CELF2: variants seen among roughly 807,000 people sequenced by gnomAD.
The protein encoded by CELF2 is CUGBP Elav-like family member 2.
Under a neutral mutation model 62.6 loss-of-function variants are expected in CELF2, and 8 were observed. The observed-to-expected ratio is 0.13, with a 90% CI of 0.07 to 0.23. The LOEUF is 0.23. Among genes scored for constraint, CELF2 ranks in the 10% least tolerant of loss-of-function variants. CELF2 has a pLI of 1.00. For synonymous variants in CELF2, 258 were observed against 250.0 expected, an observed-to-expected ratio of 1.03 and a Z score of -0.30; for missense variants, 333 against 671.0, an observed-to-expected ratio of 0.50 and a Z score of 5.56.
chr10:10,496,878 G>A, the CELF2 span, among the ~76,000 whole-genome samples: 11 of 152,154 alleles, frequency 7.2e-5, no homozygotes, highest in East Asian at 1.4e-3. Flanking sequence ...AAAGGATGGA[G>A]GAAAGTTATG....
intron 2 of CELF2, among the ~76,000 whole-genome samples, chr10:11,213,377 T>TA (rs1474150428): frequency 6.6e-6 from 1 of 152,206 alleles, no homozygotes; most frequent in Non-Finnish European, 1.5e-5. Flanking sequence ...AGACCTGAGT[T>TA]ACAGCTGGCG....
chr10:11,217,007 T>C lies in CELF2; in HGVS notation c.272-418T>C, dbSNP rs540932533. The stretch of plus-strand genomic sequence containing the variant: ...TGTCTGAAGCTTTGAGTTTAGAAAG[T>C]CTTTCAAAAACCTGACGTTCTGGAG... On this transcript the variant is annotated intron_variant, in intron 2 of 12. Coordinates refer to ENST00000633077, the MANE Select transcript of CELF2 (RefSeq NM_001326342.2). This position sits in a 1 kb window ranked among gnomAD's most constrained non-coding sequence, Gnocchi z 5.6. Among the ~76,000 whole-genome samples, 1 of 152,348 alleles carries C rather than the reference T, an allele frequency of 6.6e-6. No individual in the cohort carries two copies. The highest frequency in any genetic ancestry group is 2.1e-4 in the South Asian group (1 of 4,830).
At chr10:10,509,501 C>A in the CELF2 span, among the ~76,000 whole-genome samples, 7 of 152,328 alleles carry the variant, frequency 4.6e-5, no homozygotes, top group East Asian at 1.3e-3. Context: ...GGCACCAAAT[C>A]TGCCAGCTTC....
At chr10:10,829,891 A>C (rs1464475423) in intron 1 of CELF2, among the ~76,000 whole-genome samples, 1 of 152,164 alleles carries the variant, frequency 6.6e-6, no homozygotes, top group African/African-American at 2.4e-5. Flanking sequence ...GGCAGTTTGC[A>C]AATTTTTGGA....
At position 11,005,355 on chromosome 10, in the gene CELF2, A is replaced by G. The variant is rs745743438; in HGVS notation, c.-33A>G. The G allele has an allele frequency of 1.4e-5, 23 of 1,612,822 alleles. No individual in the cohort carries two copies. The highest frequency in any genetic ancestry group is 1.9e-5 in the Non-Finnish European group (23 of 1,179,620). ...CATTGATGTTTGAGCATACTTCTGA[A>G]CTGGCTTTTGTTGAGACTATCAGTA... On this transcript the variant is annotated 5_prime_UTR_variant, in exon 1 of 13. Coordinates refer to the CELF2 transcript ENST00000416382. This position sits in a 1 kb window ranked among gnomAD's most constrained non-coding sequence, Gnocchi z 4.3.
At chr10:11,058,458 TTGG>T (rs1265981079) in intron 1 of CELF2, among the ~76,000 whole-genome samples, 3 of 134,662 alleles carry the variant, frequency 2.2e-5, no homozygotes, top group South Asian at 2.2e-4. Context: ...GTTTTTTTTG[TTGG>T]TTTTTTTTTT....
chr10:10,492,241 A>T, the CELF2 span, among the ~76,000 whole-genome samples: 2 of 152,158 alleles, frequency 1.3e-5, no homozygotes, highest in Non-Finnish European at 2.9e-5. Context: ...CCGTTTGCAC[A>T]ACAGCTCAAA....
the CELF2 span, among the ~76,000 whole-genome samples, chr10:10,723,998 TAC>T: frequency 6.6e-6 from 1 of 152,210 alleles, no homozygotes; most frequent in Non-Finnish European, 1.5e-5. Flanking sequence ...TTAGAATCAA[TAC>T]ACTGATACAT....
At chr10:10,939,574 C>A (rs913274899) in intron 2 of CELF2, among the ~76,000 whole-genome samples, 1 of 151,902 alleles carries the variant, frequency 6.6e-6, no homozygotes, top group African/African-American at 2.4e-5. Flanking sequence ...GTGTGAGCCA[C>A]CCTACTCAGC....
chr10:11,258,294 A>C (rs1314096453), intron 5 of CELF2, among the ~76,000 whole-genome samples: 1 of 152,252 alleles, frequency 6.6e-6, no homozygotes, highest in Non-Finnish European at 1.5e-5. Flanking sequence ...CAGTGACACA[A>C]ACTGGGAAAA....
chr10:10,842,877 TA>T (rs1380439173), intron 1 of CELF2, among the ~76,000 whole-genome samples: 1 of 152,070 alleles, frequency 6.6e-6, no homozygotes, highest in African/African-American at 2.4e-5. Context: ...ATTATTTCTT[TA>T]GTAAATTGTT....
chr10:11,263,465 C>T (rs985445745), intron 5 of CELF2, among the ~76,000 whole-genome samples: 13 of 152,108 alleles, frequency 8.5e-5, no homozygotes, highest in South Asian at 2.1e-4. Flanking sequence ...CTTGTTTCTC[C>T]GGCATTTGGG....
At chr10:10,786,502 A>G in the CELF2 span, 1 of 152,160 alleles carries the variant, frequency 6.6e-6, no homozygotes, top group Admixed American at 6.5e-5. Context: ...AATTCCTAGA[A>G]AGGGTTAATT....
At chr10:10,965,034 T>G (rs745818902) in intron 2 of CELF2, among the ~76,000 whole-genome samples, 2 of 152,182 alleles carry the variant, frequency 1.3e-5, no homozygotes, top group Non-Finnish European at 2.9e-5. Context: ...TATTTACATA[T>G]ACAATTCAAT....
chr10:10,943,267 A>G (rs1008191973), intron 2 of CELF2, among the ~76,000 whole-genome samples: 13 of 152,214 alleles, frequency 8.5e-5, no homozygotes, highest in African/African-American at 2.9e-4. Context: ...AATGAAACCT[A>G]GACTGAACCT....
At chr10:11,037,257 G>C (rs1367938608) in intron 1 of CELF2, among the ~76,000 whole-genome samples, 1 of 152,200 alleles carries the variant, frequency 6.6e-6, no homozygotes, top group African/African-American at 2.4e-5. Flanking sequence ...AAAACCATCA[G>C]CTCTCCTGAG....
chr10:11,246,480 C>A lies in CELF2; in HGVS notation c.355-2673C>A, dbSNP rs912422745. On this transcript the variant is annotated intron_variant, in intron 3 of 12. Coordinates refer to ENST00000633077, the MANE Select transcript of CELF2 (RefSeq NM_001326342.2). The surrounding 1 kb of genome is among the most constrained non-coding windows in gnomAD (Gnocchi z 4.6). Reference sequence around the variant, plus strand: ...CTATCTACTGTTACCCTCCTCCTTTCCCCTCTACTTCCCATGACCAGTTGT... The same window carrying A: ...CTATCTACTGTTACCCTCCTCCTTTACCCTCTACTTCCCATGACCAGTTGT... 2.0e-5 allele frequency among the ~76,000 whole-genome samples: 3 copies of A among 152,146 alleles called. No homozygotes were observed. The highest frequency in any genetic ancestry group is 2.9e-5 in the Non-Finnish European group (2 of 68,030).
chr10:10,893,183 T>A (rs2062274948), intron 1 of CELF2, among the ~76,000 whole-genome samples: 2 of 152,190 alleles, frequency 1.3e-5, no homozygotes, highest in African/African-American at 2.4e-5. Flanking sequence ...ACATTCTTCT[T>A]TTGCAGAGGC....
intron 1 of CELF2, among the ~76,000 whole-genome samples, chr10:11,096,789 A>T (rs906101811): frequency 2.6e-5 from 4 of 152,230 alleles, no homozygotes; most frequent in African/African-American, 9.6e-5. Flanking sequence ...AGACCTGCTT[A>T]CTTGTCCTCT....
Sources: gnomAD v4.1 joint callset for allele counts (sites outside exome capture counted in the v4.1 genomes callset) on GRCh38, gnomAD v4.1.1 for gene constraint, Gnocchi (gnomAD v3.1) non-coding constraint, MANE v1.5 for transcripts, NCBI Gene and HGNC (gene_info 2026-07-23, HGNC 2026-07-21) for gene names.